The following NALF1 variants were observed in gnomAD, a reference collection of about 807,000 sequenced individuals.
NALF1 encodes the protein family with sequence similarity 155 member A.
NALF1 carries 3 observed loss-of-function variants against 48.4 expected under a neutral mutation model. The ratio of observed to expected loss-of-function variants is 0.06; its 90% CI spans 0.03 to 0.16. The LOEUF (loss-of-function observed/expected upper bound fraction) is 0.16. Ranked by LOEUF, NALF1 falls within the 10% of genes least tolerant of loss-of-function variation. The pLI is 1.00. For missense variants in NALF1, 526 were observed against 571.5 expected (o/e 0.92, Z 0.81); for synonymous variants, 262 against 245.7 (o/e 1.07, Z -0.62).
chr13:107,241,849 G>A (rs974123859), intron 1 of NALF1, among the ~76,000 whole-genome samples: 1 of 152,184 alleles, frequency 6.6e-6, no homozygotes, highest in African/African-American at 2.4e-5. Context: ...GCTGTGCAGA[G>A]CAGTTAGCAG....
intron 1 of NALF1, among the ~76,000 whole-genome samples, chr13:107,529,724 CT>C (rs949262883): frequency 1.3e-5 from 2 of 152,024 alleles, no homozygotes; most frequent in African/African-American, 4.8e-5. Flanking sequence ...CATCTTTTTC[CT>C]TTTTTTAGAT....
chr13:107,310,747 G>A (rs1019368696), intron 1 of NALF1, among the ~76,000 whole-genome samples: 5 of 152,054 alleles, frequency 3.3e-5, no homozygotes, highest in African/African-American at 1.2e-4. Flanking sequence ...GCGTGATCTT[G>A]GCTCACTGCA....
chr13:107,701,634 G>C (rs1881823852), intron 1 of NALF1, among the ~76,000 whole-genome samples: 1 of 152,064 alleles, frequency 6.6e-6, no homozygotes, highest in Non-Finnish European at 1.5e-5. Flanking sequence ...TAGCAGATAT[G>C]TACAATAAAC....
At chr13:107,401,629 C>T (rs1374617592) in intron 1 of NALF1, among the ~76,000 whole-genome samples, 1 of 151,602 alleles carries the variant, frequency 6.6e-6, no homozygotes, top group Non-Finnish European at 1.5e-5. Flanking sequence ...CAATATTGTG[C>T]ATTTCTAAAA....
chr13:107,809,589 G>C (rs1330497583), intron 1 of NALF1, among the ~76,000 whole-genome samples: 1 of 152,092 alleles, frequency 6.6e-6, no homozygotes, highest in Non-Finnish European at 1.5e-5. Context: ...AAATGCAAAG[G>C]TTGCCCTTGG....
At chr13:107,751,115 A>C (rs1876926279) in intron 1 of NALF1, among the ~76,000 whole-genome samples, 1 of 152,258 alleles carries the variant, frequency 6.6e-6, no homozygotes, top group South Asian at 2.1e-4. Context: ...ACTAAGGAGG[A>C]AAAGCTGCTT....
intron 1 of NALF1, among the ~76,000 whole-genome samples, chr13:107,645,950 G>T (rs1166623754): frequency 2.0e-5 from 3 of 152,074 alleles, no homozygotes; most frequent in Non-Finnish European, 4.4e-5. Context: ...ACTCTTGGTA[G>T]CCACTCTCAA....
chr13:107,650,610 C>T (rs1213638816), intron 1 of NALF1, among the ~76,000 whole-genome samples: 1 of 151,834 alleles, frequency 6.6e-6, no homozygotes, highest in Admixed American at 6.6e-5. Flanking sequence ...GGGAAAAAAA[C>T]TGCAAATATG....
chr13:107,859,605 A>C (rs1258042219), intron 1 of NALF1, among the ~76,000 whole-genome samples: 3 of 152,198 alleles, frequency 2.0e-5, no homozygotes. Context: ...CATTTCCAGT[A>C]TTAAAGAATC....
intron 1 of NALF1, among the ~76,000 whole-genome samples, chr13:107,745,708 C>T (rs1206837512): frequency 2.6e-5 from 4 of 151,992 alleles, no homozygotes; most frequent in Non-Finnish European, 4.4e-5. Flanking sequence ...TTGGCTGTGC[C>T]CCCACCCAAA....
In NALF1 at chr13:107,652,496, T is replaced by C. The variant is rs187722659; in HGVS notation, c.915+213186A>G. 5.3e-5 allele frequency among the ~76,000 whole-genome samples: 8 copies of C among 152,306 alleles called. No homozygotes were observed. In the East Asian group the frequency reaches 1.5e-3, roughly 29 times the overall value. On this transcript the variant is annotated intron_variant, in intron 1 of 2. Transcript: ENST00000375915. The stretch of plus-strand genomic sequence containing the variant: ...ATGAAATTCAACATATTTACAACTT[T>C]TGGAAATTCATGATTGGACATCTTT...
chr13:107,292,670 CCTT>C (rs1237476668), intron 1 of NALF1, among the ~76,000 whole-genome samples: 1 of 152,110 alleles, frequency 6.6e-6, no homozygotes, highest in African/African-American at 2.4e-5. Flanking sequence ...AATGCCAAAG[CCTT>C]CTTCTATAAT....
In NALF1 at chr13:107,237,741, A is replaced by G. The variant is rs143771367; in HGVS notation, c.916-26986T>C. ...GATTTTCCATCCACAGTTGAATTCA[A>G]AGATGGATGCAGAGGGACAACTTTG... is the stretch of plus-strand genomic sequence containing the variant. On this transcript the variant is annotated intron_variant, in intron 1 of 2. Transcript: ENST00000375915. Among the ~76,000 whole-genome samples the G allele has an allele frequency of 3.3e-5, 5 of 152,318 alleles. No homozygotes were observed. The East Asian group carries it at 9.7e-4, about 29-fold the overall frequency.
chr13:107,660,266 C>T (rs558234183), intron 1 of NALF1, among the ~76,000 whole-genome samples: 3 of 151,518 alleles, frequency 2.0e-5, no homozygotes, highest in South Asian at 2.1e-4. Context: ...GGTGAAACCC[C>T]GTCTCTACCA....
intron 1 of NALF1, among the ~76,000 whole-genome samples, chr13:107,737,976 G>C (rs1043246865): frequency 2.0e-5 from 3 of 152,024 alleles, no homozygotes; most frequent in Admixed American, 6.6e-5. Context: ...ATAAATACAA[G>C]CATAAAAAAG....
At chr13:107,553,435 T>C (rs1267985815) in intron 1 of NALF1, among the ~76,000 whole-genome samples, 3 of 152,212 alleles carry the variant, frequency 2.0e-5, no homozygotes, top group African/African-American at 7.2e-5. Context: ...CAAATGTTTA[T>C]ACTGTATATA....
intron 1 of NALF1, among the ~76,000 whole-genome samples, chr13:107,859,919 A>AC (rs1472996271): frequency 2.4e-4 from 37 of 151,578 alleles, no homozygotes; most frequent in Admixed American, 1.6e-3. Flanking sequence ...CAACTCAAAA[A>AC]AAAAAAAAAA....
intron 1 of NALF1, among the ~76,000 whole-genome samples, chr13:107,610,647 T>C (rs1298280091): frequency 1.3e-5 from 2 of 152,232 alleles, no homozygotes; most frequent in East Asian, 3.8e-4. Flanking sequence ...GAACATTATT[T>C]GTATCATTAA....
chr13:107,184,152 C>A (rs534398466), intron 2 of NALF1, among the ~76,000 whole-genome samples: 83 of 147,976 alleles, frequency 5.6e-4, no homozygotes, highest in African/African-American at 2.0e-3. Context: ...GCACGTTCTG[C>A]ACATGTACCC....
Sources: gnomAD v4.1 joint callset for allele counts (sites outside exome capture counted in the v4.1 genomes callset) on GRCh38, gnomAD v4.1.1 for gene constraint, MANE v1.5 for transcripts, NCBI Gene and HGNC (gene_info 2026-07-23, HGNC 2026-07-21) for gene names.